PCDHA10: variants seen among roughly 807,000 people sequenced by gnomAD.
PCDHA10 encodes protocadherin alpha 10.
A neutral mutation model predicts 61.2 loss-of-function variants in PCDHA10; 45 were observed. The observed-to-expected ratio is 0.74, with a 90% CI of 0.58 to 0.94. The LOEUF is 0.94. PCDHA10 is among the 40% of genes least tolerant of loss of function. The pLI, the probability that PCDHA10 is intolerant of heterozygous loss-of-function variation, is 0.00. For missense variants in PCDHA10, 1,278 were observed against 1,236.2 expected, an observed-to-expected ratio of 1.03 and a Z score of -0.51; for synonymous variants, 602 against 548.8, an observed-to-expected ratio of 1.10 and a Z score of -1.35.
At position 140,875,798 on chromosome 5, in the gene PCDHA10, T is replaced by C. The variant is rs377753022; in HGVS notation, c.2388+17362T>C. On this transcript the variant is annotated intron_variant, in intron 1 of 3. Coordinates refer to ENST00000307360, the MANE Select transcript of PCDHA10 (RefSeq NM_018901.4). ...GAGTGCAGTATCCACCTGGAGGTGATCGTGGACAGGCCGCTGCAGGTTTTC... is the reference window on the plus strand; with the variant it reads ...GAGTGCAGTATCCACCTGGAGGTGACCGTGGACAGGCCGCTGCAGGTTTTC... 1.5e-5 allele frequency: 24 copies of C among 1,614,138 alleles called. No individual in the cohort carries two copies. In the African/African-American group the frequency reaches 3.1e-4, roughly 21 times the overall value.
intron 1 of PCDHA10, chr5:140,881,430 T>G: frequency 1.1e-6 from 1 of 889,582 alleles, no homozygotes; most frequent in Non-Finnish European, 1.3e-6. Flanking sequence ...TCCAGGCATA[T>G]TTTATAAAAA....
intron 1 of PCDHA10, among the ~76,000 whole-genome samples, chr5:140,965,996 A>G (rs2095956267): frequency 6.6e-6 from 1 of 152,102 alleles, no homozygotes; most frequent in South Asian, 2.1e-4. Context: ...TGCAGTACTT[A>G]AGAGTGTCCA....
intron 3 of PCDHA10, among the ~76,000 whole-genome samples, chr5:141,005,506 A>G (rs1462164149): frequency 1.3e-5 from 2 of 151,786 alleles, no homozygotes; most frequent in East Asian, 3.9e-4. Flanking sequence ...GATCGAGACC[A>G]TCCTGGCTAA....
At chr5:140,993,509 C>T (rs930990761) in intron 3 of PCDHA10, among the ~76,000 whole-genome samples, 23 of 143,490 alleles carry the variant, frequency 1.6e-4, no homozygotes, top group Admixed American at 3.5e-4. Context: ...CACACACACA[C>T]GGGGAGAGAG....
intron 1 of PCDHA10, chr5:140,927,527 C>A (rs1554204693): frequency 6.2e-7 from 1 of 1,614,084 alleles, no homozygotes. Flanking sequence ...GGGCTACCTG[C>A]CCGCTCAGGA....
chr5:140,915,410 A>G (rs2077112688), intron 1 of PCDHA10, among the ~76,000 whole-genome samples: 1 of 152,172 alleles, frequency 6.6e-6, no homozygotes, highest in Non-Finnish European at 1.5e-5. Flanking sequence ...TAGTCTTTGC[A>G]GTCTGGGCTT....
At chr5:140,928,121 A>C in intron 1 of PCDHA10, 1 of 1,614,194 alleles carries the variant, frequency 6.2e-7, no homozygotes, top group Non-Finnish European at 8.5e-7. Flanking sequence ...CAGATCAGTG[A>C]ATACCAAGTC....
chr5:140,938,176 G>A (rs1554212021), intron 1 of PCDHA10, among the ~76,000 whole-genome samples: 1 of 152,088 alleles, frequency 6.6e-6, no homozygotes, highest in Non-Finnish European at 1.5e-5. Flanking sequence ...GAGCTCCTGG[G>A]CTCAAGCAAT....
intron 1 of PCDHA10, among the ~76,000 whole-genome samples, chr5:140,961,132 T>G (rs1186627628): frequency 6.6e-6 from 1 of 152,238 alleles, no homozygotes; most frequent in Admixed American, 6.5e-5. Context: ...GTCTTGGCAC[T>G]TAAGAGTTGG....
chr5:140,921,634 T>C (rs1324251436), intron 1 of PCDHA10, among the ~76,000 whole-genome samples: 1 of 152,220 alleles, frequency 6.6e-6, no homozygotes, highest in Non-Finnish European at 1.5e-5. Context: ...ATCATTATGG[T>C]AGCTATTTTA....
intron 3 of PCDHA10, among the ~76,000 whole-genome samples, chr5:140,995,211 A>G (rs529613370): frequency 2.6e-5 from 4 of 152,188 alleles, no homozygotes; most frequent in Non-Finnish European, 4.4e-5. Context: ...ATTAGGCACA[A>G]TACTCTTGTG....
rs1554162489 is a variant in PCDHA10 at position 140,869,104 on chromosome 5, A to G, written c.2388+10668A>G. 2.5e-6 allele frequency: 4 copies of G among 1,601,646 alleles called. No individual in the cohort carries two copies. In the Admixed American group the frequency reaches 5.1e-5, roughly 21 times the overall value. On this transcript the variant is annotated intron_variant, in intron 1 of 3. Coordinates refer to ENST00000307360, the MANE Select transcript of PCDHA10 (RefSeq NM_018901.4). ...ATTTTGGAAGCCAATTTCGTATGCG[A>G]TGTTTGGTTTTCAGAGAAGGGGATT... is the stretch of plus-strand genomic sequence containing the variant.
chr5:140,978,787 C>G (rs1164015518), intron 1 of PCDHA10, 162 bp from the exon 2 acceptor site: 2 of 972,388 alleles, frequency 2.1e-6, no homozygotes, highest in Non-Finnish European at 2.4e-6. Context: ...TTCTAAAGTG[C>G]TATATATGTA....
intron 1 of PCDHA10, among the ~76,000 whole-genome samples, chr5:140,946,611 A>AAT (rs1554217734): frequency 0.018 from 1,579 of 86,716 alleles, 89 homozygotes; most frequent in African/African-American, 0.026. Flanking sequence ...GAAAATGTGA[A>AAT]ATATATATAT....
At chr5:140,983,293 A>C (rs2097040232) in intron 3 of PCDHA10, among the ~76,000 whole-genome samples, 1 of 152,240 alleles carries the variant, frequency 6.6e-6, no homozygotes, top group African/African-American at 2.4e-5. Context: ...AAAATTGCTT[A>C]AACTCACATT....
At chr5:140,973,208 C>T (rs2096576751) in intron 1 of PCDHA10, among the ~76,000 whole-genome samples, 1 of 152,170 alleles carries the variant, frequency 6.6e-6, no homozygotes, top group African/African-American at 2.4e-5. Flanking sequence ...TGCATATTCA[C>T]CCTAATTCCA....
At position 140,877,517 on chromosome 5, in the gene PCDHA10, C is replaced by T. The variant is rs782271327; in HGVS notation, c.2388+19081C>T. ...CAGGCCCCAAAGACGTCGTCGCGGG[C>T]CTCAGTGGGCGCTGTGGATCCCGAA... On this transcript the variant is annotated intron_variant, in intron 1 of 3. Coordinates refer to ENST00000307360, the MANE Select transcript of PCDHA10 (RefSeq NM_018901.4). 5.6e-6 allele frequency: 9 copies of T among 1,613,766 alleles called. No homozygotes were observed. Among genetic ancestry groups the T allele is most frequent in the Non-Finnish European group, 7.6e-6 (9 of 1,179,862 alleles).
At chr5:140,947,530 CAATTTCTACAAAG>C (rs2094141786) in intron 1 of PCDHA10, among the ~76,000 whole-genome samples, 1 of 151,588 alleles carries the variant, frequency 6.6e-6, no homozygotes, top group African/African-American at 2.4e-5. Flanking sequence ...ATCAACTTTT[CAATTTCTACAAAG>C]AATTCCGCTG....
At position 141,009,762 on chromosome 5, in the gene PCDHA10, C is replaced by G. The variant is rs2154001658; in HGVS notation, c.2672C>G (p.Ser891Cys). Reference sequence around the variant, plus strand: ...CCCGACAAATTCATTATCCCAGGATCTCCTGCAATCATCTCCATCCGGCAG... The same window carrying G: ...CCCGACAAATTCATTATCCCAGGATGTCCTGCAATCATCTCCATCCGGCAG... Reference protein sequence around the residue: ...ELPDKFIIPGSPAIISIRQEP... With the variant: ...ELPDKFIIPGCPAIISIRQEP... The change falls in exon 4 of 4, where the codon TCT becomes TGT. Residue 891 changes from serine (S) to cysteine (C), a missense_variant. Coordinates refer to ENST00000307360, the MANE Select transcript of PCDHA10 (RefSeq NM_018901.4). 5 of 1,614,180 alleles carry G rather than the reference C, an allele frequency of 3.1e-6. No homozygotes were observed. In the East Asian group the frequency reaches 1.1e-4, roughly 36 times the overall value.
Sources: gnomAD v4.1 joint callset for allele counts (sites outside exome capture counted in the v4.1 genomes callset) on GRCh38, gnomAD v4.1.1 for gene constraint, MANE v1.5 for transcripts, NCBI Gene and HGNC (gene_info 2026-07-23, HGNC 2026-07-21) for gene names.